The following SEPTIN4 variants were observed in gnomAD, a reference collection of about 807,000 sequenced individuals.
SEPTIN4 encodes septin 4.
In SEPTIN4, 52 loss-of-function variants were observed where a neutral mutation model predicts 107.1. That is an observed-to-expected ratio of 0.49 (90% CI 0.39 to 0.61). The LOEUF is 0.61. SEPTIN4 is among the 20% of genes least tolerant of loss of function. The probability of loss-of-function intolerance (pLI) is 0.00; values close to 1 mark genes in which losing one functional copy is unlikely to be tolerated. For missense variants in SEPTIN4, 1,048 were observed against 1,243.5 expected (o/e 0.84, Z 2.36); for synonymous variants, 417 against 467.0 (o/e 0.89, Z 1.38).
chr17:58,540,500 C>G (rs2043849490), intron 3 of SEPTIN4, among the ~76,000 whole-genome samples, 166 bp downstream of exon 3: 3 of 152,204 alleles, frequency 2.0e-5, no homozygotes, highest in South Asian at 4.1e-4. Flanking sequence ...TTCAGCCCCC[C>G]ACTTGCCCCC....
At position 58,521,897 on chromosome 17, in the gene SEPTIN4, C is replaced by G. The variant is rs1419170366; in HGVS notation, c.2352-44G>C. On this transcript the variant is annotated intron_variant, in intron 8 of 13. Transcript: ENST00000672673. The surrounding 1 kb of genome is among the most constrained non-coding windows in gnomAD (Gnocchi z 6.4). Reference sequence around the variant, plus strand: ...TGACCACCTGCTAGTGGCAGCCCTGCCCCTGGTGCTCTTGGCCTGTTCCCT... The same window carrying G: ...TGACCACCTGCTAGTGGCAGCCCTGGCCCTGGTGCTCTTGGCCTGTTCCCT... 1.9e-5 allele frequency: 30 copies of G among 1,614,220 alleles called. No homozygotes were observed. The highest frequency in any genetic ancestry group is 1.9e-5 in the Non-Finnish European group (22 of 1,180,018).
intron 7 of SEPTIN4, among the ~76,000 whole-genome samples, chr17:58,523,583 G>A (rs889512404): frequency 1.2e-4 from 18 of 151,648 alleles, no homozygotes; most frequent in Admixed American, 5.3e-4. Context: ...GTTGCCACTT[G>A]ACTATAAGCC....
chr17:58,539,608 G>C (rs1163061072), intron 3 of SEPTIN4, among the ~76,000 whole-genome samples: 1 of 152,160 alleles, frequency 6.6e-6, no homozygotes, highest in Non-Finnish European at 1.5e-5. Context: ...TCCTGTCTGT[G>C]TTTTATCTCC....
intron 3 of SEPTIN4, among the ~76,000 whole-genome samples, chr17:58,528,786 C>G (rs2043190292): frequency 6.6e-6 from 1 of 152,178 alleles, no homozygotes; most frequent in South Asian, 2.1e-4. Context: ...TGTGCTTCAC[C>G]TGGTTTCCCA....
intron 3 of SEPTIN4, chr17:58,539,251 C>G: frequency 7.5e-7 from 1 of 1,335,678 alleles, no homozygotes; most frequent in Non-Finnish European, 1.0e-6. Context: ...TAGGAAGGAG[C>G]CACCCTGTTG....
At position 58,525,573 on chromosome 17, in the gene SEPTIN4, G is replaced by A. The variant is rs540532604; in HGVS notation, c.2092+122C>T. 4 of 845,224 alleles carry A rather than the reference G, an allele frequency of 4.7e-6. No homozygotes were observed. The African/African-American group carries it at 6.7e-5, about 14-fold the overall frequency. The allele number at this position is 845,224 out of a possible 1,614,324, so 52.4% of individuals were successfully genotyped here. The stretch of plus-strand genomic sequence containing the variant: ...CAGGCAGTTAGGCCTATGGAGAGCT[G>A]CTGTCAGTCTCTCTAGGAGGCCATG... On this transcript the variant is annotated intron_variant, in intron 6 of 13. Coordinates refer to ENST00000672673, the MANE Select transcript of SEPTIN4 (RefSeq NM_001368771.2).
At chr17:58,541,311 C>T (rs971937296) in intron 2 of SEPTIN4, among the ~76,000 whole-genome samples, 1 of 152,188 alleles carries the variant, frequency 6.6e-6, no homozygotes, top group South Asian at 2.1e-4. Flanking sequence ...GAGGTCTTGT[C>T]CCCACCCTCC....
chr17:58,535,295 G>A (rs1008703131), intron 3 of SEPTIN4, among the ~76,000 whole-genome samples: 1 of 152,216 alleles, frequency 6.6e-6, no homozygotes, highest in Admixed American at 6.5e-5. Context: ...TGCAAAGAGG[G>A]GCAGTTCCAG....
At chr17:58,524,929 G>A in intron 7 of SEPTIN4, 149 bp downstream of exon 7, 2 of 894,932 alleles carry the variant, frequency 2.2e-6, no homozygotes, top group South Asian at 3.3e-5. Context: ...TATAAAGGAG[G>A]AGATGGCTGT....
intron 3 of SEPTIN4, chr17:58,532,227 G>T: frequency 2.5e-6 from 1 of 407,126 alleles, no homozygotes; most frequent in Non-Finnish European, 3.5e-6. Flanking sequence ...GATGCGCAGA[G>T]TATGCAGAGT....
At chr17:58,542,061 C>T in intron 1 of SEPTIN4, 95 bp from the exon 2 acceptor site, 1 of 1,446,838 alleles carries the variant, frequency 6.9e-7, no homozygotes, top group Non-Finnish European at 9.4e-7. Context: ...CTCCACATTT[C>T]TCCACTCAAA....
rs34156939 is a variant in SEPTIN4 at position 58,537,829 on chromosome 17, CA to C, written c.1614+2836del. ...TGGGTGACAGAGCGAGACTCTGTCT[CA>C]AAAAAAAAAAAAAAAAAAGCCTCCT... On this transcript the variant is annotated intron_variant, in intron 3 of 13. Coordinates refer to ENST00000672673, the MANE Select transcript of SEPTIN4 (RefSeq NM_001368771.2). Among the ~76,000 whole-genome samples the C allele has an allele frequency of 7.3e-3, 440 of 60,282 alleles. 1 individual carries two copies. The highest frequency in any genetic ancestry group is 0.021 in the African/African-American group (329 of 15,804). 39.5% of individuals were successfully genotyped at this position (60,282 alleles called of 152,430 possible).
At chr17:58,540,885 T>C in intron 2 of SEPTIN4, 1 of 402,802 alleles carries the variant, frequency 2.5e-6, no homozygotes, top group Non-Finnish European at 4.4e-6. Flanking sequence ...CTAAGTGTTT[T>C]ATTGGTAATA....
At chr17:58,529,327 C>G (rs2043255729) in intron 3 of SEPTIN4, 2 of 1,504,334 alleles carry the variant, frequency 1.3e-6, no homozygotes, top group Admixed American at 2.1e-5. Flanking sequence ...CCCCTTCTGT[C>G]TCTGGCAGGG....
chr17:58,544,104 T>G lies in SEPTIN4; in HGVS notation c.83A>C (p.Gln28Pro). ...GGCAAGAACGTACCCATGTCCCTGCTGAGGGGATGTGTTAGTAGTAACCTC... is the reference window on the plus strand; with the variant it reads ...GGCAAGAACGTACCCATGTCCCTGCGGAGGGGATGTGTTAGTAGTAACCTC... ...GSEVTTNTSPQQGHGYVLASS... is the reference protein window; with the variant it reads ...GSEVTTNTSPPQGHGYVLASS... The change falls in exon 1 of 14, where the codon CAG becomes CCG. Residue 28 changes from glutamine to proline, a missense_variant. Transcript: ENST00000672673. 1 of 1,614,170 alleles carries G rather than the reference T, an allele frequency of 6.2e-7. No individual in the cohort carries two copies. Among genetic ancestry groups the G allele is most frequent in the Non-Finnish European group, 8.5e-7 (1 of 1,180,028 alleles).
rs778233630 is a variant in SEPTIN4 at position 58,543,409 on chromosome 17, G to A, written c.778C>T (p.Pro260Ser). 1.2e-6 allele frequency: 2 copies of A among 1,614,172 alleles called. No individual in the cohort carries two copies. Among genetic ancestry groups the A allele is most frequent in the Admixed American group, 1.7e-5 (1 of 60,034 alleles). ...TTCATATTCCTATACAAGGCCTTGG[G>A]TTTTGAAGGAATTGGACCGTAAGGA... ...TGPYGPIPSK[P>S]KALYRNMNLD... The change falls in exon 1 of 14, where the codon CCC becomes TCC. Residue 260 changes from proline to serine, a missense_variant. Transcript: ENST00000672673.
rs959416509 is a variant in SEPTIN4, at chr17:58,521,149, C to T, written c.2680G>A (p.Gly894Arg). ...CTCAGCTTCACAAAGTCGCAGTGCC[C>T]TGGGTTTTCCACTGCATAGCAAGGC... Reference protein sequence around the residue: ...PWGIVEVENPGHCDFVKLRTM... With the variant: ...PWGIVEVENPRHCDFVKLRTM... Residue 894 changes from glycine to arginine, a missense_variant, in exon 12 of 14, where the codon GGG (glycine) becomes AGG (arginine). Physicochemically the swap from Gly to Arg is moderately radical, Grantham distance 125 (BLOSUM62 -2). This residue lies in a region of SEPTIN4 where 261 missense variants were observed against 371.7 expected (regional missense o/e 0.70). Transcript: ENST00000672673. The surrounding 1 kb of genome is among the most constrained non-coding windows in gnomAD (Gnocchi z 6.4). 6.2e-7 allele frequency: 1 copy of T among 1,614,190 alleles called. No individual in the cohort carries two copies. The highest frequency in any genetic ancestry group is 8.5e-7 in the Non-Finnish European group (1 of 1,180,042).
intron 2 of SEPTIN4, among the ~76,000 whole-genome samples, chr17:58,541,294 A>G (rs1024571229): frequency 9.2e-5 from 14 of 151,936 alleles, no homozygotes; most frequent in Admixed American, 8.5e-4. Context: ...GCCAAGATTT[A>G]CTCCTTGAGG....
rs1370518029 is a variant in SEPTIN4, at chr17:58,526,360, GC to G, written c.1912-48del. The G allele has an allele frequency of 2.7e-6, 4 of 1,461,456 alleles. No individual in the cohort carries two copies. In the South Asian group the frequency reaches 4.5e-5, roughly 16 times the overall value. The allele number at this position is 1,461,456 out of a possible 1,614,324, so 90.5% of individuals were successfully genotyped here. A position where few individuals can be genotyped will look rare whatever the true frequency, so the allele number is the denominator to read the frequency against. On this transcript the variant is annotated intron_variant, in intron 4 of 13. Transcript: ENST00000672673. ...TGCATCACGGTGAGGAGCCAAAGGG[GC>G]CCCGGCACCCAGCGCCAATCTTCTC...
Sources: gnomAD v4.1 joint callset for allele counts (sites outside exome capture counted in the v4.1 genomes callset) on GRCh38, gnomAD v4.1.1 for gene constraint, gnomAD v4.1.1 regional missense constraint, Gnocchi (gnomAD v3.1) non-coding constraint, MANE v1.5 for transcripts, NCBI Gene and HGNC (gene_info 2026-07-23, HGNC 2026-07-21) for gene names.